Variants in LHFPL6 observed in about 807,000 individuals in gnomAD.
LHFPL6 encodes the protein LHFPL tetraspan subfamily member 6.
LHFPL6 carries 9 observed loss-of-function variants against 20.6 expected under a neutral mutation model. That is an observed-to-expected ratio of 0.44 (90% CI 0.26 to 0.76). LHFPL6 has a LOEUF of 0.76. LHFPL6 is among the 30% of genes least tolerant of loss of function. The probability of loss-of-function intolerance (pLI) is 0.20; values close to 1 mark genes in which losing one functional copy is unlikely to be tolerated. For synonymous variants in LHFPL6, 105 were observed against 98.7 expected, an observed-to-expected ratio of 1.06 and a Z score of -0.38; for missense variants, 218 against 253.5, an observed-to-expected ratio of 0.86 and a Z score of 0.95.
intron 3 of LHFPL6, among the ~76,000 whole-genome samples, chr13:39,373,235 G>C (rs1870204375): frequency 6.6e-6 from 1 of 152,160 alleles, no homozygotes; most frequent in South Asian, 2.1e-4. Context: ...GACGTTCCTA[G>C]GGAAGGCCAG....
At chr13:39,489,775 G>A (rs1227923536) in intron 2 of LHFPL6, among the ~76,000 whole-genome samples, 3 of 151,970 alleles carry the variant, frequency 2.0e-5, no homozygotes, top group Non-Finnish European at 2.9e-5. Context: ...GCCCAGTCTC[G>A]AACTCCTGAG....
chr13:39,441,823 CTTTTT>C (rs1168860757), intron 2 of LHFPL6, among the ~76,000 whole-genome samples: 2 of 110,078 alleles, frequency 1.8e-5, no homozygotes, highest in African/African-American at 3.5e-5. Flanking sequence ...TGGGCTAAAA[CTTTTT>C]TTTTTTTTTT....
At chr13:39,504,610 T>G (rs572841794) in intron 2 of LHFPL6, among the ~76,000 whole-genome samples, 1 of 152,336 alleles carries the variant, frequency 6.6e-6, no homozygotes, top group South Asian at 2.1e-4. Context: ...CCCTCTGTAC[T>G]TGTCTGTATC....
At chr13:39,447,573 A>T (rs557971222) in intron 2 of LHFPL6, among the ~76,000 whole-genome samples, 1 of 152,322 alleles carries the variant, frequency 6.6e-6, no homozygotes, top group South Asian at 2.1e-4. Flanking sequence ...CTGCAAGCCC[A>T]GAGAGCCTGA....
intron 2 of LHFPL6, among the ~76,000 whole-genome samples, chr13:39,501,162 G>A (rs902348644): frequency 7.2e-5 from 11 of 152,082 alleles, no homozygotes; most frequent in African/African-American, 2.7e-4. Flanking sequence ...TGTTATTCCC[G>A]GTGTTGTTAT....
intron 2 of LHFPL6, among the ~76,000 whole-genome samples, chr13:39,439,832 C>T (rs1449342659): frequency 6.6e-6 from 1 of 152,156 alleles, no homozygotes; most frequent in Non-Finnish European, 1.5e-5. Context: ...ATTAAAAGCT[C>T]CCTGAGGCCT....
At chr13:39,346,717 T>C (rs1869409255) in intron 3 of LHFPL6, among the ~76,000 whole-genome samples, 1 of 152,120 alleles carries the variant, frequency 6.6e-6, no homozygotes, top group South Asian at 2.1e-4. Context: ...TAGGCAGCTG[T>C]CTTTTTAAAA....
At chr13:39,466,529 G>A (rs1332166094) in intron 2 of LHFPL6, among the ~76,000 whole-genome samples, 3 of 152,178 alleles carry the variant, frequency 2.0e-5, no homozygotes, top group Non-Finnish European at 4.4e-5. Flanking sequence ...ACTTTACAAA[G>A]GTCACAGACT....
chr13:39,388,391 G>A (rs972785037), intron 2 of LHFPL6, among the ~76,000 whole-genome samples: 1 of 152,092 alleles, frequency 6.6e-6, no homozygotes, highest in Admixed American at 6.5e-5. Context: ...TTATCTTCCT[G>A]GGGTCCTAGG....
chr13:39,466,471 A>G (rs1373850084), intron 2 of LHFPL6, among the ~76,000 whole-genome samples: 2 of 152,226 alleles, frequency 1.3e-5, no homozygotes, highest in African/African-American at 4.8e-5. Context: ...GTCATGTTAT[A>G]TAGAAGATTT....
chr13:39,589,357 G>A lies in LHFPL6; in HGVS notation c.385+11475C>T, dbSNP rs560552993. Among the ~76,000 whole-genome samples, 142 of 152,102 alleles carry A rather than the reference G, an allele frequency of 9.3e-4. 1 individual carries two copies. The highest frequency in any genetic ancestry group is 3.2e-3 in the African/African-American group (132 of 41,492). On this transcript the variant is annotated intron_variant, in intron 2 of 3. Coordinates refer to ENST00000379589, the MANE Select transcript of LHFPL6 (RefSeq NM_005780.3). ...CCTGACCTCACGATCTGCCCACCTC[G>A]GCCTCCCAAAGTGCTGGGATTAATT...
At chr13:39,465,588 G>C (rs1872783731) in intron 2 of LHFPL6, among the ~76,000 whole-genome samples, 1 of 152,142 alleles carries the variant, frequency 6.6e-6, no homozygotes, top group Non-Finnish European at 1.5e-5. Context: ...AGCGTTCAGA[G>C]TTGAGCATGT....
intron 2 of LHFPL6, among the ~76,000 whole-genome samples, chr13:39,436,273 A>G (rs1213728669): frequency 6.6e-6 from 1 of 152,208 alleles, no homozygotes; most frequent in Non-Finnish European, 1.5e-5. Context: ...AAATAGCTGA[A>G]GAAAGATGTA....
At chr13:39,577,364 T>C (rs1210407001) in intron 2 of LHFPL6, among the ~76,000 whole-genome samples, 4 of 152,188 alleles carry the variant, frequency 2.6e-5, no homozygotes, top group African/African-American at 9.7e-5. Flanking sequence ...AGTGTACGCA[T>C]TTCAGGAAAC....
At chr13:39,498,588 G>T (rs548617149) in intron 2 of LHFPL6, among the ~76,000 whole-genome samples, 1 of 152,320 alleles carries the variant, frequency 6.6e-6, no homozygotes, top group Admixed American at 6.5e-5. Flanking sequence ...ATGCAGCTGT[G>T]GTTGGGAAGT....
chr13:39,583,225 G>A (rs1421444557), intron 2 of LHFPL6, among the ~76,000 whole-genome samples: 1 of 143,418 alleles, frequency 7.0e-6, no homozygotes, highest in African/African-American at 2.6e-5. Context: ...CCAGGCTGGA[G>A]TGCAGTGCAC....
intron 2 of LHFPL6, among the ~76,000 whole-genome samples, chr13:39,382,024 G>A (rs1224726478): frequency 6.6e-6 from 1 of 152,094 alleles, no homozygotes; most frequent in Non-Finnish European, 1.5e-5. Context: ...CCTAAATTAG[G>A]TTTTCTACTA....
intron 2 of LHFPL6, among the ~76,000 whole-genome samples, chr13:39,499,737 A>C (rs1369717949): frequency 6.6e-6 from 1 of 152,260 alleles, no homozygotes; most frequent in Non-Finnish European, 1.5e-5. Context: ...AGAGATGGTA[A>C]GAAGAGACCC....
intron 2 of LHFPL6, among the ~76,000 whole-genome samples, chr13:39,512,678 T>G (rs931119924): frequency 3.3e-5 from 5 of 152,216 alleles, no homozygotes; most frequent in African/African-American, 1.2e-4. Context: ...TAGCCAGTTC[T>G]GTTCCCTTCT....
Sources: gnomAD v4.1 joint callset for allele counts (sites outside exome capture counted in the v4.1 genomes callset) on GRCh38, gnomAD v4.1.1 for gene constraint, MANE v1.5 for transcripts, NCBI Gene and HGNC (gene_info 2026-07-23, HGNC 2026-07-21) for gene names.